The following MARK1 variants were observed in gnomAD, a reference collection of about 807,000 sequenced individuals.
MARK1 encodes the protein serine/threonine-protein kinase MARK1.
A neutral mutation model predicts 96.3 loss-of-function variants in MARK1; 40 were observed. That is an observed-to-expected ratio of 0.42 (90% confidence interval 0.32 to 0.54). The LOEUF is 0.54. MARK1 is among the 20% of genes least tolerant of loss of function. The pLI is 0.16. For missense variants in MARK1, 719 were observed against 984.6 expected (o/e 0.73, Z 3.61); for synonymous variants, 317 against 341.2 (o/e 0.93, Z 0.78).
intron 9 of MARK1, chr1:220,626,253 T>G: frequency 3.8e-6 from 2 of 531,470 alleles, no homozygotes; most frequent in Non-Finnish European, 7.5e-6. Context: ...TGCTGTATAT[T>G]GACATTGATA....
At chr1:220,616,166 G>T (rs529087209) in intron 7 of MARK1, among the ~76,000 whole-genome samples, 171 bp downstream of exon 7, 1 of 152,088 alleles carries the variant, frequency 6.6e-6, no homozygotes, top group East Asian at 1.9e-4. Flanking sequence ...TTTTCACTGA[G>T]CAAATGAAGA....
At chr1:220,533,508 G>A (rs1660470619) in intron 1 of MARK1, among the ~76,000 whole-genome samples, 1 of 151,994 alleles carries the variant, frequency 6.6e-6, no homozygotes, top group Admixed American at 6.6e-5. Flanking sequence ...AATATCTGTG[G>A]AAGTTCTTTT....
At chr1:220,539,347 T>C (rs1356153977) in intron 1 of MARK1, among the ~76,000 whole-genome samples, 1 of 152,206 alleles carries the variant, frequency 6.6e-6, no homozygotes, top group Non-Finnish European at 1.5e-5. Flanking sequence ...TTGTCTTTGG[T>C]TCTGTTTATA....
chr1:220,604,590 A>G (rs1388958796), intron 6 of MARK1, among the ~76,000 whole-genome samples: 1 of 152,060 alleles, frequency 6.6e-6, no homozygotes, highest in Non-Finnish European at 1.5e-5. Context: ...GATTTAAAGA[A>G]TATGGTCAAT....
intron 3 of MARK1, among the ~76,000 whole-genome samples, chr1:220,589,380 TGAGAA>T (rs1258269855): frequency 6.6e-6 from 1 of 152,104 alleles, no homozygotes; most frequent in African/African-American, 2.4e-5. Flanking sequence ...AAAGAGCAGT[TGAGAA>T]GAGAAAAGGA....
chr1:220,617,499 G>C (rs1337993143), intron 7 of MARK1, among the ~76,000 whole-genome samples: 2 of 152,080 alleles, frequency 1.3e-5, no homozygotes, highest in African/African-American at 4.8e-5. Flanking sequence ...TACTTTGTTA[G>C]TCTATCCATC....
At position 220,606,507 on chromosome 1, in the gene MARK1, G is replaced by A. The variant is rs142481791; in HGVS notation, c.495+2370G>A. On this transcript the variant is annotated intron_variant, in intron 6 of 17. Transcript: ENST00000366917. ...CACTCTGATGGTAGTTTCTTTTGCC[G>A]TGCAGAAGCTTTTTAGTTTAATTAG... Among the ~76,000 whole-genome samples the A allele has an allele frequency of 1.3e-4, 20 of 152,204 alleles. No homozygotes were observed. The East Asian group carries it at 2.9e-3, about 22-fold the overall frequency.
chr1:220,645,768 G>A (rs1668543099), intron 13 of MARK1, among the ~76,000 whole-genome samples: 1 of 152,174 alleles, frequency 6.6e-6, no homozygotes, highest in African/African-American at 2.4e-5. Flanking sequence ...ATCAATAAAT[G>A]TAATCAGTCA....
At chr1:220,652,696 G>A (rs1237308384) in intron 15 of MARK1, among the ~76,000 whole-genome samples, 1 of 152,094 alleles carries the variant, frequency 6.6e-6, no homozygotes, top group African/African-American at 2.4e-5. Flanking sequence ...CATATTGGTG[G>A]TGCCATGTGG....
chr1:220,657,882 A>T, intron 17 of MARK1, 48 bp downstream of exon 17: 2 of 1,382,138 alleles, frequency 1.4e-6, no homozygotes, highest in Non-Finnish European at 1.9e-6. Context: ...TGTGTATGAA[A>T]ACGTACTTTT....
rs140136177 is a variant in MARK1 at position 220,586,072 on chromosome 1, A to G, written c.309+4954A>G. Among the ~76,000 whole-genome samples the G allele has an allele frequency of 3.7e-3, 563 of 152,234 alleles. 3 individuals are homozygous for G. Among genetic ancestry groups the G allele is most frequent in the Middle Eastern group, 0.014 (4 of 294 alleles). On this transcript the variant is annotated intron_variant, in intron 3 of 17. Transcript: ENST00000366917. ...AATACATAGAGTTTAAAAGTTGTCA[A>G]GGATGCAAAATACGTCTGTGAATAT...
At chr1:220,600,088 T>C (rs1371224186) in intron 5 of MARK1, among the ~76,000 whole-genome samples, 1 of 152,178 alleles carries the variant, frequency 6.6e-6, no homozygotes, top group East Asian at 1.9e-4. Context: ...CTTAGGGACA[T>C]TTTTTGAAAC....
chr1:220,629,955 A>G (rs748620972), intron 9 of MARK1, among the ~76,000 whole-genome samples: 2 of 152,116 alleles, frequency 1.3e-5, no homozygotes, highest in Admixed American at 6.6e-5. Flanking sequence ...GTTTTTTTGG[A>G]TAAATACCCA....
chr1:220,537,154 T>A (rs188462030), intron 1 of MARK1, among the ~76,000 whole-genome samples: 4 of 150,996 alleles, frequency 2.6e-5, no homozygotes, highest in African/African-American at 9.7e-5. Flanking sequence ...TGGTTACATA[T>A]GTATACATGT....
At chr1:220,555,419 G>A (rs183999772) in intron 1 of MARK1, among the ~76,000 whole-genome samples, 5 of 152,274 alleles carry the variant, frequency 3.3e-5, no homozygotes, top group Admixed American at 2.0e-4. Flanking sequence ...AGAGAAAATT[G>A]TTGGGAGGTT....
rs2102675503 is a variant in MARK1, at chr1:220,528,684, T to C, written c.-139T>C. On this transcript the variant is annotated 5_prime_UTR_variant, in exon 1 of 18. Coordinates refer to ENST00000366917, the MANE Select transcript of MARK1 (RefSeq NM_018650.5). ...CCCTCTTTCCCCCGCCGGGGCCGCT[T>C]GTTGCACCGCCCCGCGGCCTGCGGG... 1 of 643,832 alleles carries C rather than the reference T, an allele frequency of 1.6e-6. No homozygotes were observed. Among genetic ancestry groups the C allele is most frequent in the South Asian group, 2.5e-5 (1 of 40,482 alleles). 39.9% of individuals were successfully genotyped at this position (643,832 alleles called of 1,614,324 possible).
intron 1 of MARK1, among the ~76,000 whole-genome samples, chr1:220,533,035 A>G (rs1055504404): frequency 1.3e-5 from 2 of 152,096 alleles, no homozygotes; most frequent in Admixed American, 1.3e-4. Flanking sequence ...AGATTTTAGA[A>G]GAGCATATGA....
chr1:220,562,818 C>T (rs1211107084), intron 1 of MARK1, among the ~76,000 whole-genome samples: 1 of 152,162 alleles, frequency 6.6e-6, no homozygotes, highest in Non-Finnish European at 1.5e-5. Flanking sequence ...TGCCTTCACA[C>T]CAGTTCATTC....
At chr1:220,652,249 C>T (rs1668923326) in intron 15 of MARK1, 99 bp downstream of exon 15, 2 of 914,670 alleles carry the variant, frequency 2.2e-6, no homozygotes, top group Non-Finnish European at 3.1e-6. Flanking sequence ...TAAGACCTTT[C>T]TAATAAGATT....
Sources: gnomAD v4.1 joint callset for allele counts (sites outside exome capture counted in the v4.1 genomes callset) on GRCh38, gnomAD v4.1.1 for gene constraint, MANE v1.5 for transcripts, NCBI Gene and HGNC (gene_info 2026-07-23, HGNC 2026-07-21) for gene names.